SGSM1: variants seen among roughly 807,000 people sequenced by gnomAD.
SGSM1 encodes the protein small G protein signaling modulator 1.
A neutral mutation model predicts 133.8 loss-of-function variants in SGSM1; 73 were observed. That is an observed-to-expected ratio of 0.55 (90% confidence interval 0.45 to 0.66). SGSM1 has a LOEUF of 0.66. SGSM1 is among the 30% of genes least tolerant of loss of function. SGSM1 has a pLI of 0.00. For missense variants in SGSM1, 1,213 were observed against 1,448.1 expected, an observed-to-expected ratio of 0.84 and a Z score of 2.64; for synonymous variants, 563 against 573.0, an observed-to-expected ratio of 0.98 and a Z score of 0.25.
At chr22:24,872,780 G>A (rs996402818) in intron 12 of SGSM1, among the ~76,000 whole-genome samples, 4 of 152,106 alleles carry the variant, frequency 2.6e-5, no homozygotes, top group South Asian at 2.1e-4. Context: ...CTAGCCGGGC[G>A]TGGTGGCACA....
At chr22:24,913,909 C>T (rs2123738372) in intron 22 of SGSM1, among the ~76,000 whole-genome samples, 1 of 152,144 alleles carries the variant, frequency 6.6e-6, no homozygotes, top group South Asian at 2.1e-4. Flanking sequence ...GTAATCCCAA[C>T]ACTTTGGGAG....
intron 2 of SGSM1, among the ~76,000 whole-genome samples, chr22:24,834,613 T>G (rs1929319183): frequency 1.3e-5 from 2 of 152,166 alleles, no homozygotes; most frequent in Non-Finnish European, 2.9e-5. Context: ...GAGATAGGAA[T>G]CAAAGATCAA....
At chr22:24,844,585 G>T in intron 2 of SGSM1, 1 of 275,998 alleles carries the variant, frequency 3.6e-6, no homozygotes, top group Non-Finnish European at 6.8e-6. Context: ...CAGGGGATGG[G>T]AGTGGGGAGG....
intron 5 of SGSM1, 41 bp from the exon 6 acceptor site, chr22:24,854,955 C>T: frequency 6.5e-7 from 1 of 1,546,814 alleles, no homozygotes; most frequent in Non-Finnish European, 8.9e-7. Context: ...GCGTCCTCTG[C>T]TGGTCTCCAT....
At chr22:24,816,417 C>CTT (rs3062145) in intron 2 of SGSM1, among the ~76,000 whole-genome samples, 17,708 of 129,648 alleles carry the variant, frequency 0.14, 1,739 homozygotes, top group South Asian at 0.23. Context: ...TTTTTTCTTT[C>CTT]TTTTTTTTTT....
At chr22:24,855,749 C>A (rs774745843) in intron 8 of SGSM1, 69 bp downstream of exon 8, 1 of 1,612,080 alleles carries the variant, frequency 6.2e-7, no homozygotes, top group Non-Finnish European at 8.5e-7. Context: ...GAAAAGGTCT[C>A]TCTGGCTCCA....
chr22:24,827,584 C>A (rs926493504), intron 2 of SGSM1, among the ~76,000 whole-genome samples: 1 of 152,006 alleles, frequency 6.6e-6, no homozygotes. Context: ...AGCAGCCGGC[C>A]GTTCACCTGA....
intron 2 of SGSM1, among the ~76,000 whole-genome samples, chr22:24,833,751 A>T (rs1929263436): frequency 6.6e-6 from 1 of 152,158 alleles, no homozygotes; most frequent in Non-Finnish European, 1.5e-5. Context: ...GCATGATGAG[A>T]TTCCCGAGGG....
At position 24,895,260 on chromosome 22, in the gene SGSM1, G is replaced by A. The variant is rs555869365; in HGVS notation, c.1991G>A (p.Arg664His). 1.2e-5 allele frequency: 19 copies of A among 1,612,092 alleles called. No individual in the cohort carries two copies. The African/African-American group carries it at 1.6e-4, about 14-fold the overall frequency. ...TGCAGTTCGGGCCGCCAGAACATCC[G>A]CCTGCACAGCGACTCCAGCAGCAGC... ...QSCSSGRQNI[R>H]LHSDSSSSTQ... The change falls in exon 18 of 25, where the codon CGC becomes CAC. Residue 664 changes from arginine to histidine, a missense_variant. Arg to His is a conservative substitution (Grantham distance 29, BLOSUM62 0). Coordinates refer to ENST00000400358, the MANE Select transcript of SGSM1 (RefSeq NM_001098497.3).
chr22:24,914,242 G>C (rs1933735635), intron 22 of SGSM1, among the ~76,000 whole-genome samples: 1 of 147,822 alleles, frequency 6.8e-6, no homozygotes, highest in Non-Finnish European at 1.5e-5. Flanking sequence ...GCAGTGAGCT[G>C]AGATGGCGCC....
intron 14 of SGSM1, 139 bp downstream of exon 14, chr22:24,879,665 C>CATGAACAAGTTCA: frequency 1.2e-6 from 1 of 843,954 alleles, no homozygotes; most frequent in Non-Finnish European, 1.8e-6. Context: ...GTTTCAGTGA[C>CATGAACAAGTTCA]GTTACATGAA....
intron 9 of SGSM1, 61 bp downstream of exon 9, chr22:24,859,901 G>T (rs1017838176): frequency 1.9e-6 from 3 of 1,602,012 alleles, no homozygotes; most frequent in Non-Finnish European, 2.6e-6. Flanking sequence ...GCACAAGGAA[G>T]TTCCTCCCCG....
At position 24,816,627 on chromosome 22, in the gene SGSM1, G is replaced by A. The variant is rs545642785; in HGVS notation, c.63+10143G>A. On this transcript the variant is annotated intron_variant, in intron 2 of 24. Coordinates refer to ENST00000400358, the MANE Select transcript of SGSM1 (RefSeq NM_001098497.3). ...TCACCATATTGGCCAGGCTGGTCTC[G>A]AACTCCTGACCTTGTGATCCGCCTG... Among the ~76,000 whole-genome samples, 193 of 152,094 alleles carry A rather than the reference G, an allele frequency of 1.3e-3. 1 individual carries two copies. The highest frequency in any genetic ancestry group is 8.7e-3 in the South Asian group (42 of 4,822).
intron 8 of SGSM1, among the ~76,000 whole-genome samples, chr22:24,858,290 C>T (rs1930923832): frequency 6.6e-6 from 1 of 152,146 alleles, no homozygotes; most frequent in African/African-American, 2.4e-5. Context: ...TGTGATGGTT[C>T]TTAAGTCCTG....
At chr22:24,816,970 G>T (rs1928127219) in intron 2 of SGSM1, among the ~76,000 whole-genome samples, 1 of 152,188 alleles carries the variant, frequency 6.6e-6, no homozygotes, top group African/African-American at 2.4e-5. Context: ...CTTCTTTTGT[G>T]CCAGTCACAG....
Position 24,898,085 on chromosome 22 carries a change from G to A in SGSM1, c.2136G>A (p.Ser712=), listed in dbSNP as rs747569593. Residue 712 remains serine (S), a synonymous_variant, in exon 19 of 25, where the codon TCG becomes TCA. Coordinates refer to ENST00000400358, the MANE Select transcript of SGSM1 (RefSeq NM_001098497.3). The part of the protein sequence containing the change: ...NLVNGTCSPD[S]GHPSSHNFSS... ...TGAACGGCACTTGTTCCCCAGACTCGGGTCATCCTTCCTCCCATAACTTCT... is the reference window on the plus strand; with the variant it reads ...TGAACGGCACTTGTTCCCCAGACTCAGGTCATCCTTCCTCCCATAACTTCT... The A allele has an allele frequency of 5.6e-6, 9 of 1,613,870 alleles. No homozygotes were observed. The highest frequency in any genetic ancestry group is 1.7e-5 in the Admixed American group (1 of 59,988).
chr22:24,864,702 G>A (rs1263708429), intron 9 of SGSM1, among the ~76,000 whole-genome samples: 2 of 152,210 alleles, frequency 1.3e-5, no homozygotes, highest in African/African-American at 4.8e-5. Flanking sequence ...TCGCAAACAG[G>A]CAAGAGGAAT....
At chr22:24,845,108 G>A in intron 3 of SGSM1, 136 bp downstream of exon 3, 1 of 765,892 alleles carries the variant, frequency 1.3e-6, no homozygotes, top group East Asian at 2.7e-5. Flanking sequence ...TGGAGAATTT[G>A]AAAATACAGA....
intron 16 of SGSM1, among the ~76,000 whole-genome samples, chr22:24,888,651 C>T (rs914259013): frequency 2.6e-5 from 4 of 151,850 alleles, no homozygotes; most frequent in East Asian, 2.0e-4. Context: ...TGGTGGCGGG[C>T]GCCTGTAGTC....
Sources: allele counts gnomAD v4.1 joint callset (sites outside exome capture counted in the v4.1 genomes callset), GRCh38; gene constraint gnomAD v4.1.1; transcripts MANE v1.5; gene names NCBI Gene and HGNC (gene_info 2026-07-23, HGNC 2026-07-21).